The following NKAIN1 variants were observed in gnomAD, a reference collection of about 807,000 sequenced individuals.
NKAIN1 encodes the protein sodium/potassium transporting ATPase interacting 1, also known as sodium/potassium-transporting ATPase subunit beta-1-interacting protein 1.
A neutral mutation model predicts 31.6 loss-of-function variants in NKAIN1; 13 were observed. The ratio of observed to expected loss-of-function variants is 0.41; its 90% confidence interval spans 0.27 to 0.65. NKAIN1 has a LOEUF of 0.65. NKAIN1 is among the 30% of genes least tolerant of loss of function. NKAIN1 has a pLI of 0.30. For synonymous variants in NKAIN1, 104 were observed against 109.0 expected (o/e 0.95, Z 0.28); for missense variants, 193 against 262.2 (o/e 0.74, Z 1.82).
intron 1 of NKAIN1, among the ~76,000 whole-genome samples, chr1:31,213,968 T>C (rs1645489875): frequency 6.6e-6 from 1 of 150,872 alleles, no homozygotes. Flanking sequence ...CACTCCAGCC[T>C]GGACCACAGA....
At position 31,208,441 on chromosome 1, in the gene NKAIN1, C is replaced by G. The variant is rs541742243; in HGVS notation, c.55-20254G>C. Among the ~76,000 whole-genome samples the G allele has an allele frequency of 7.2e-5, 11 of 152,240 alleles. No homozygotes were observed. The South Asian group carries it at 2.1e-3, about 29-fold the overall frequency. The stretch of plus-strand genomic sequence containing the variant: ...TTCGTGAAGATTTCTTTCATTCTTT[C>G]CAGAAGCCTTTCTTCCTTGCTAATA... On this transcript the variant is annotated intron_variant, in intron 1 of 6. Transcript: ENST00000373736.
At chr1:31,185,373 G>A (rs1645234589) in intron 2 of NKAIN1, 46 bp from the exon 3 acceptor site, 1 of 1,488,376 alleles carries the variant, frequency 6.7e-7, no homozygotes, top group African/African-American at 1.4e-5. Flanking sequence ...GGGGAGTGGG[G>A]GATGGGGAGT....
chr1:31,231,331 CT>C (rs1265673255), intron 1 of NKAIN1, among the ~76,000 whole-genome samples: 1 of 129,618 alleles, frequency 7.7e-6, no homozygotes. Flanking sequence ...AATCCTTATT[CT>C]ACTTTTTTTT....
intron 1 of NKAIN1, 192 bp from the exon 2 acceptor site, chr1:31,188,379 G>T: frequency 1.6e-6 from 1 of 623,564 alleles, no homozygotes; most frequent in Non-Finnish European, 2.8e-6. Flanking sequence ...GGGGTGGGCT[G>T]AAAGGTGATA....
chr1:31,207,110 T>C (rs1645431040), intron 1 of NKAIN1, among the ~76,000 whole-genome samples: 1 of 152,146 alleles, frequency 6.6e-6, no homozygotes, highest in African/African-American at 2.4e-5. Flanking sequence ...AAATCCTTGG[T>C]TTCATACCAA....
intron 1 of NKAIN1, among the ~76,000 whole-genome samples, chr1:31,206,429 A>G (rs193026641): frequency 3.2e-4 from 49 of 151,736 alleles, no homozygotes; most frequent in African/African-American, 1.2e-3. Context: ...TTAAATTTTT[A>G]TTTATTTTAT....
intron 1 of NKAIN1, among the ~76,000 whole-genome samples, chr1:31,191,483 C>G (rs907297977): frequency 6.8e-6 from 1 of 147,102 alleles, no homozygotes; most frequent in South Asian, 2.2e-4. Context: ...TGCTGTGTGA[C>G]TTAGGGCAAG....
intron 1 of NKAIN1, among the ~76,000 whole-genome samples, chr1:31,194,698 C>A (rs543076372): frequency 7.3e-5 from 11 of 151,680 alleles, no homozygotes; most frequent in Non-Finnish European, 1.0e-4. Context: ...TGAGCCCCTG[C>A]ACCTGGCCTG....
At chr1:31,187,872 T>C (rs1235401882) in intron 2 of NKAIN1, among the ~76,000 whole-genome samples, 178 bp downstream of exon 2, 1 of 151,860 alleles carries the variant, frequency 6.6e-6, no homozygotes, top group African/African-American at 2.4e-5. Flanking sequence ...AAAAAACCCT[T>C]GTCTCCTCTG....
intron 1 of NKAIN1, among the ~76,000 whole-genome samples, chr1:31,225,314 C>T (rs1471027710): frequency 1.4e-5 from 2 of 142,618 alleles, no homozygotes. Flanking sequence ...GCATAAGCCA[C>T]CATGCCCGGC....
intron 1 of NKAIN1, among the ~76,000 whole-genome samples, chr1:31,230,178 C>G (rs897199524): frequency 1.3e-5 from 2 of 152,164 alleles, no homozygotes; most frequent in African/African-American, 4.8e-5. Context: ...GAACCTGCAG[C>G]CTCATATCCT....
rs191919812 is a variant in NKAIN1, at chr1:31,192,611, C to T, written c.55-4424G>A. On this transcript the variant is annotated intron_variant, in intron 1 of 6. Transcript: ENST00000373736. Reference sequence around the variant, plus strand: ...TGTCGCCCAGGCTGGAGTGCAGTGGCGTGATATCAGCTCATTGCAAGCTCC... The same window carrying T: ...TGTCGCCCAGGCTGGAGTGCAGTGGTGTGATATCAGCTCATTGCAAGCTCC... 9.9e-5 allele frequency among the ~76,000 whole-genome samples: 15 copies of T among 151,658 alleles called. No homozygotes were observed. In the East Asian group the frequency reaches 2.7e-3, roughly 28 times the overall value.
chr1:31,188,259 G>C (rs565878062), intron 1 of NKAIN1, 72 bp from the exon 2 acceptor site: 2 of 1,509,430 alleles, frequency 1.3e-6, no homozygotes, highest in African/African-American at 2.8e-5. Flanking sequence ...GCTTGACCTT[G>C]GGGAGCAGGT....
intron 1 of NKAIN1, among the ~76,000 whole-genome samples, chr1:31,217,692 T>C (rs2050815): frequency 0.32 from 48,181 of 152,112 alleles, 9,690 homozygotes; most frequent in African/African-American, 0.57. Flanking sequence ...CCATCCCTCC[T>C]GGAAGTGGCA....
rs1055911325 is a variant in NKAIN1 at position 31,179,896 on chromosome 1, C to G, written c.*1807G>C. The stretch of plus-strand genomic sequence containing the variant: ...AGGCTTCAAAGCACCAGTGGCTACA[C>G]CCGTTGAGTAGAAAGGGGCTTGGGG... On this transcript the variant is annotated 3_prime_UTR_variant, in exon 7 of 7. Transcript: ENST00000373736. 2.0e-5 allele frequency: 3 copies of G among 152,448 alleles called. No homozygotes were observed. The highest frequency in any genetic ancestry group is 7.2e-5 in the African/African-American group (3 of 41,462). 9.4% of individuals were successfully genotyped at this position (152,448 alleles called of 1,614,324 possible).
At chr1:31,221,296 T>C (rs547635682) in intron 1 of NKAIN1, among the ~76,000 whole-genome samples, 1 of 152,296 alleles carries the variant, frequency 6.6e-6, no homozygotes, top group Non-Finnish European at 1.5e-5. Context: ...AGTGTCTCTC[T>C]GGTCTAGACG....
intron 1 of NKAIN1, among the ~76,000 whole-genome samples, chr1:31,190,114 G>GAAA (rs1179664156): frequency 6.6e-6 from 1 of 152,194 alleles, no homozygotes; most frequent in African/African-American, 2.4e-5. Flanking sequence ...TCTGGCTGGG[G>GAAA]AGGGGGAGGG....
chr1:31,205,833 G>C (rs1248096003), intron 1 of NKAIN1, among the ~76,000 whole-genome samples: 3 of 151,340 alleles, frequency 2.0e-5, no homozygotes. Flanking sequence ...ATGTTGGTCA[G>C]GCTGGTCTCG....
At chr1:31,184,952 G>A (rs1645231380) in intron 3 of NKAIN1, among the ~76,000 whole-genome samples, 1 of 152,162 alleles carries the variant, frequency 6.6e-6, no homozygotes, top group East Asian at 1.9e-4. Flanking sequence ...GGGCCTAAGA[G>A]TAGCTTTCTG....
Sources: gnomAD v4.1 joint callset for allele counts (sites outside exome capture counted in the v4.1 genomes callset) on GRCh38, gnomAD v4.1.1 for gene constraint, MANE v1.5 for transcripts, NCBI Gene and HGNC (gene_info 2026-07-23, HGNC 2026-07-21) for gene names.